SRBD1: variants seen among roughly 807,000 people sequenced by gnomAD.
The protein encoded by SRBD1 is S1 RNA binding domain 1, also known as S1 RNA-binding domain-containing protein 1.
SRBD1 carries 88 observed loss-of-function variants against 115.3 expected under a neutral mutation model. The observed-to-expected ratio is 0.76, with a 90% CI of 0.64 to 0.91. The LOEUF is 0.91. SRBD1 is among the 40% of genes least tolerant of loss of function. The pLI is 0.00. For missense variants in SRBD1, 1,385 were observed against 1,177.4 expected (o/e 1.18, Z -2.58); for synonymous variants, 509 against 407.7 (o/e 1.25, Z -2.99).
chr2:45,532,105 TCTTAA>T (rs1172174116), intron 14 of SRBD1, among the ~76,000 whole-genome samples: 1 of 151,710 alleles, frequency 6.6e-6, no homozygotes, highest in East Asian at 1.9e-4. Flanking sequence ...AAGAACATGT[TCTTAA>T]CTTCTCATTT....
intron 19 of SRBD1, among the ~76,000 whole-genome samples, chr2:45,408,581 A>G (rs1667503825): frequency 6.6e-6 from 1 of 152,218 alleles, no homozygotes; most frequent in African/African-American, 2.4e-5. Context: ...GGCAAAAAAA[A>G]GTCCTGTTTA....
At chr2:45,525,517 G>A (rs1671413252) in intron 14 of SRBD1, among the ~76,000 whole-genome samples, 1 of 151,896 alleles carries the variant, frequency 6.6e-6, no homozygotes, top group Non-Finnish European at 1.5e-5. Flanking sequence ...GCGATCTACT[G>A]TACAACATGG....
chr2:45,511,920 T>C (rs1371990829), intron 14 of SRBD1, among the ~76,000 whole-genome samples: 4 of 152,162 alleles, frequency 2.6e-5, no homozygotes, highest in South Asian at 2.1e-4. Flanking sequence ...CAATTACAAA[T>C]GTATGACATG....
At chr2:45,401,575 A>T (rs1261141299) in intron 19 of SRBD1, among the ~76,000 whole-genome samples, 2 of 152,196 alleles carry the variant, frequency 1.3e-5, no homozygotes, top group African/African-American at 2.4e-5. Flanking sequence ...TGTTTACCTA[A>T]TCATCATTTA....
chr2:45,508,305 C>A (rs529825963), intron 14 of SRBD1, among the ~76,000 whole-genome samples: 1 of 152,298 alleles, frequency 6.6e-6, no homozygotes, highest in Non-Finnish European at 1.5e-5. Context: ...TAATCTCATA[C>A]TGAAGAATTT....
chr2:45,453,370 A>G (rs1290849267), intron 16 of SRBD1, among the ~76,000 whole-genome samples: 1 of 151,844 alleles, frequency 6.6e-6, no homozygotes, highest in East Asian at 1.9e-4. Context: ...TCCAGAGTTA[A>G]GCACTTTTAT....
intron 5 of SRBD1, among the ~76,000 whole-genome samples, chr2:45,583,612 C>G (rs1673429632): frequency 6.6e-6 from 1 of 152,036 alleles, no homozygotes; most frequent in African/African-American, 2.4e-5. Flanking sequence ...CTTGTATTTT[C>G]TATTCACTAT....
At chr2:45,488,476 C>T (rs1044118615) in intron 14 of SRBD1, 145 bp from the exon 15 acceptor site, 8 of 584,412 alleles carry the variant, frequency 1.4e-5, no homozygotes, top group African/African-American at 1.9e-5. Context: ...CTGACAGCAT[C>T]TAATATTTCA....
Position 45,449,679 on chromosome 2 carries a change from T to C in SRBD1, c.2049+27314A>G, listed in dbSNP as rs559255468. Among the ~76,000 whole-genome samples, 13 of 152,284 alleles carry C rather than the reference T, an allele frequency of 8.5e-5. No homozygotes were observed. In the East Asian group the frequency reaches 2.1e-3, roughly 25 times the overall value. On this transcript the variant is annotated intron_variant, in intron 16 of 20. Coordinates refer to ENST00000263736, the MANE Select transcript of SRBD1 (RefSeq NM_018079.5). ...GAAGTTTTTTTCAGAGCTATACAAA[T>C]TAAAACACTGTATTTTTACACCAAC... is the stretch of plus-strand genomic sequence containing the variant.
chr2:45,560,231 A>C (rs1391257230), intron 10 of SRBD1, among the ~76,000 whole-genome samples: 3 of 152,190 alleles, frequency 2.0e-5, no homozygotes, highest in Non-Finnish European at 4.4e-5. Context: ...AATATAAATA[A>C]GCCATGGAAA....
intron 16 of SRBD1, among the ~76,000 whole-genome samples, chr2:45,441,294 C>T (rs1292304279): frequency 1.3e-5 from 2 of 152,214 alleles, no homozygotes; most frequent in Non-Finnish European, 2.9e-5. Context: ...CCACACCTAG[C>T]CTCATGCACT....
intron 16 of SRBD1, among the ~76,000 whole-genome samples, chr2:45,475,392 C>T (rs1019785262): frequency 5.3e-5 from 8 of 152,288 alleles, no homozygotes; most frequent in South Asian, 2.1e-4. Context: ...AGAGCCAATG[C>T]TTAAAAATAT....
chr2:45,410,856 T>A (rs1226579092), intron 19 of SRBD1, among the ~76,000 whole-genome samples: 1 of 152,228 alleles, frequency 6.6e-6, no homozygotes, highest in African/African-American at 2.4e-5. Context: ...TAGAGGGTAG[T>A]ATGCCCATGT....
chr2:45,485,135 C>T (rs1041858229), intron 15 of SRBD1, among the ~76,000 whole-genome samples: 3 of 152,082 alleles, frequency 2.0e-5, no homozygotes, highest in African/African-American at 7.2e-5. Context: ...AATTTGGTCT[C>T]GTTGCTTTTT....
At chr2:45,503,668 T>C (rs998470326) in intron 14 of SRBD1, among the ~76,000 whole-genome samples, 2 of 152,212 alleles carry the variant, frequency 1.3e-5, no homozygotes, top group African/African-American at 4.8e-5. Flanking sequence ...TCTTGTCTAA[T>C]ACCATAATTA....
intron 15 of SRBD1, among the ~76,000 whole-genome samples, chr2:45,478,425 A>G (rs1204717916): frequency 6.6e-6 from 1 of 152,208 alleles, no homozygotes; most frequent in African/African-American, 2.4e-5. Context: ...CTTTATTACT[A>G]CATCTAATAT....
chr2:45,446,793 T>C (rs1007921690), intron 16 of SRBD1, among the ~76,000 whole-genome samples: 1 of 151,480 alleles, frequency 6.6e-6, no homozygotes, highest in East Asian at 1.9e-4. Context: ...GGAATGAGCA[T>C]CAGACTGCCA....
intron 16 of SRBD1, among the ~76,000 whole-genome samples, chr2:45,445,923 A>C (rs1668810487): frequency 6.6e-6 from 1 of 152,186 alleles, no homozygotes; most frequent in Non-Finnish European, 1.5e-5. Context: ...TACTAGAGAA[A>C]GTTCAATGGC....
chr2:45,417,764 G>C (rs1667874560), intron 18 of SRBD1, among the ~76,000 whole-genome samples: 1 of 152,132 alleles, frequency 6.6e-6, no homozygotes, highest in South Asian at 2.1e-4. Context: ...GGAGGGAGTG[G>C]GGAAACATAT....
Sources: allele counts gnomAD v4.1 joint callset (sites outside exome capture counted in the v4.1 genomes callset), GRCh38; gene constraint gnomAD v4.1.1; transcripts MANE v1.5; gene names NCBI Gene and HGNC (gene_info 2026-07-23, HGNC 2026-07-21).